The following SAMD4A variants were observed in gnomAD, a reference collection of about 807,000 sequenced individuals.
The protein encoded by SAMD4A is sterile alpha motif domain containing 4A, also known as protein Smaug homolog 1.
SAMD4A carries 33 observed loss-of-function variants against 81.3 expected under a neutral mutation model. That is an observed-to-expected ratio of 0.41 (90% CI 0.31 to 0.54). The LOEUF (loss-of-function observed/expected upper bound fraction) is 0.54. SAMD4A is among the 20% of genes least tolerant of loss of function. The pLI is 0.37. For missense variants in SAMD4A, 854 were observed against 951.1 expected, an observed-to-expected ratio of 0.90 and a Z score of 1.34; for synonymous variants, 389 against 382.1, an observed-to-expected ratio of 1.02 and a Z score of -0.21.
At chr14:54,691,052 A>G (rs2036420245) in intron 2 of SAMD4A, among the ~76,000 whole-genome samples, 1 of 152,148 alleles carries the variant, frequency 6.6e-6, no homozygotes, top group African/African-American at 2.4e-5. Flanking sequence ...TGCTTACAAC[A>G]CAGCCCACAG....
intron 2 of SAMD4A, among the ~76,000 whole-genome samples, chr14:54,581,026 C>T (rs768009415): frequency 6.6e-6 from 1 of 152,174 alleles, no homozygotes; most frequent in Non-Finnish European, 1.5e-5. Flanking sequence ...GAAATAGATG[C>T]TGGTTTCCCC....
chr14:54,579,010 T>C (rs1159303976), intron 2 of SAMD4A, among the ~76,000 whole-genome samples: 2 of 152,224 alleles, frequency 1.3e-5, no homozygotes, highest in Non-Finnish European at 1.5e-5. Flanking sequence ...TCAGAATTGC[T>C]GTCTAAACCT....
chr14:54,706,190 A>G (rs1022193875), intron 3 of SAMD4A, among the ~76,000 whole-genome samples: 2 of 151,862 alleles, frequency 1.3e-5, no homozygotes, highest in African/African-American at 2.4e-5. Context: ...TCTTCAAAAA[A>G]AGAAAAAAAA....
chr14:54,734,401 G>A (rs1350446372), intron 3 of SAMD4A, among the ~76,000 whole-genome samples: 1 of 152,224 alleles, frequency 6.6e-6, no homozygotes, highest in Admixed American at 6.5e-5. Context: ...GAACCAAGAA[G>A]TGTTCATTAT....
chr14:54,724,007 T>TGGAA lies in SAMD4A; in HGVS notation c.716-12976_716-12973dup, dbSNP rs753453738. ...AGCAAATATTGGATGGATGGATGGATGGAAGGAAGGAAGGAAGGAAGGAAG... is the reference window on the plus strand; with the variant it reads ...AGCAAATATTGGATGGATGGATGGATGGAAGGAAGGAAGGAAGGAAGGAAGGAAG... On this transcript the variant is annotated intron_variant, in intron 3 of 12. Transcript: ENST00000554335. Among the ~76,000 whole-genome samples, 1,130 of 124,210 alleles carry TGGAA rather than the reference T, an allele frequency of 9.1e-3. 22 individuals carry two copies. Among genetic ancestry groups the TGGAA allele is most frequent in the African/African-American group, 0.028 (925 of 33,276 alleles). The allele number at this position is 124,210 out of a possible 152,430, so 81.5% of individuals were successfully genotyped here.
intron 5 of SAMD4A, 47 bp downstream of exon 5, chr14:54,748,971 A>C: frequency 7.2e-7 from 1 of 1,381,980 alleles, no homozygotes. Flanking sequence ...CCCAGGCAGG[A>C]CCTGAAGTTC....
chr14:54,638,369 A>T (rs987854846), intron 2 of SAMD4A, among the ~76,000 whole-genome samples: 1 of 152,176 alleles, frequency 6.6e-6, no homozygotes, highest in Non-Finnish European at 1.5e-5. Flanking sequence ...ATCCTATACA[A>T]ATCCCTGCGT....
At chr14:54,568,257 A>AC (rs2033006539) in intron 2 of SAMD4A, 145 bp downstream of exon 2, 2 of 691,454 alleles carry the variant, frequency 2.9e-6, no homozygotes, top group Non-Finnish European at 4.3e-6. Context: ...CTCGGAATCC[A>AC]CCCCCTCCGG....
At chr14:54,661,670 C>T (rs534383952) in intron 2 of SAMD4A, among the ~76,000 whole-genome samples, 3 of 152,256 alleles carry the variant, frequency 2.0e-5, no homozygotes, top group Admixed American at 6.5e-5. Context: ...ACAGATCACA[C>T]CCAGAGATTC....
intron 3 of SAMD4A, among the ~76,000 whole-genome samples, chr14:54,704,229 TATG>T (rs1390249277): frequency 6.6e-6 from 1 of 152,234 alleles, no homozygotes; most frequent in African/African-American, 2.4e-5. Context: ...CTCGTCTCTG[TATG>T]ATAAGGAGTG....
intron 11 of SAMD4A, chr14:54,784,192 A>C (rs546536388): frequency 1.6e-6 from 1 of 644,804 alleles, no homozygotes; most frequent in South Asian, 1.8e-5. Context: ...GAGGGTACAG[A>C]GATAACAAGG....
chr14:54,744,196 CTT>C (rs1353960835), intron 4 of SAMD4A, among the ~76,000 whole-genome samples: 2 of 152,218 alleles, frequency 1.3e-5, no homozygotes, highest in Non-Finnish European at 2.9e-5. Flanking sequence ...TCTCCCTGCC[CTT>C]CATGCTGCAT....
intron 8 of SAMD4A, 54 bp from the exon 9 acceptor site, chr14:54,770,050 T>G: frequency 8.9e-7 from 1 of 1,118,802 alleles, no homozygotes; most frequent in South Asian, 1.3e-5. Context: ...TGCATGTTTC[T>G]CCCTCTAATG....
chr14:54,632,668 C>A (rs1486306719), intron 2 of SAMD4A, among the ~76,000 whole-genome samples: 6 of 152,144 alleles, frequency 3.9e-5, no homozygotes, highest in Non-Finnish European at 4.4e-5. Context: ...GCATGGTATT[C>A]CACCACAGGA....
At chr14:54,677,499 C>T (rs2036017417) in intron 2 of SAMD4A, among the ~76,000 whole-genome samples, 1 of 152,228 alleles carries the variant, frequency 6.6e-6, no homozygotes, top group Admixed American at 6.5e-5. Flanking sequence ...AAAATCAGTG[C>T]ACTGCCCAGG....
At chr14:54,694,730 G>A (rs1289307954) in intron 2 of SAMD4A, 5 of 985,302 alleles carry the variant, frequency 5.1e-6, no homozygotes, top group Non-Finnish European at 6.0e-6. Flanking sequence ...TGGCCAGGAG[G>A]TCAGAAATCT....
intron 6 of SAMD4A, among the ~76,000 whole-genome samples, chr14:54,753,971 G>A (rs1005519695): frequency 2.6e-5 from 4 of 152,132 alleles, no homozygotes; most frequent in East Asian, 1.9e-4. Flanking sequence ...TAGAAAGTAC[G>A]GAAAACATTT....
intron 2 of SAMD4A, among the ~76,000 whole-genome samples, chr14:54,666,407 A>C (rs1023446550): frequency 1.3e-5 from 2 of 152,152 alleles, no homozygotes; most frequent in Non-Finnish European, 2.9e-5. Context: ...CCATATCCAT[A>C]CATACTGAAG....
At chr14:54,778,336 A>G (rs1313130092) in intron 11 of SAMD4A, among the ~76,000 whole-genome samples, 1 of 148,220 alleles carries the variant, frequency 6.7e-6, no homozygotes, top group Non-Finnish European at 1.5e-5. Flanking sequence ...TTCCACCTAT[A>G]CCTTTGTTTC....
Sources: gnomAD v4.1 joint callset for allele counts (sites outside exome capture counted in the v4.1 genomes callset) on GRCh38, gnomAD v4.1.1 for gene constraint, MANE v1.5 for transcripts, NCBI Gene and HGNC (gene_info 2026-07-23, HGNC 2026-07-21) for gene names.